The following ARAP1 variants were observed in gnomAD, a reference collection of about 807,000 sequenced individuals.
The protein encoded by ARAP1 is ArfGAP with RhoGAP domain, ankyrin repeat and PH domain 1.
Under a neutral mutation model 172.2 loss-of-function variants are expected in ARAP1, and 76 were observed. The ratio of observed to expected loss-of-function variants is 0.44; its 90% CI spans 0.37 to 0.53. The LOEUF (loss-of-function observed/expected upper bound fraction) is 0.53, where lower values mean the gene tolerates loss of function less well. Ranked by LOEUF, ARAP1 falls within the 20% of genes least tolerant of loss-of-function variation. The pLI, the probability that ARAP1 is intolerant of heterozygous loss-of-function variation, is 0.00. For missense variants in ARAP1, 1,686 were observed against 1,977.5 expected, an observed-to-expected ratio of 0.85 and a Z score of 2.80; for synonymous variants, 804 against 803.3, an observed-to-expected ratio of 1.00 and a Z score of -0.01.
In ARAP1 at chr11:72,704,293, C is replaced by G; in HGVS notation, c.1851G>C (p.Trp617Cys). Reference protein sequence around the residue: ...QLGNGAGNRFWAANVPPSEAL... With the variant: ...QLGNGAGNRFCAANVPPSEAL... ...CCTCACTGGGGGGCACGTTGGCTGC[C>G]CAGAAGCGGTTCCCAGCGCCATTCC... The change falls in exon 14 of 35, where the codon TGG (tryptophan) becomes TGC (cysteine). Residue 617 changes from tryptophan to cysteine, a missense_variant. Trp to Cys is a radical substitution (Grantham distance 215). Coordinates refer to ENST00000393609, the MANE Select transcript of ARAP1 (RefSeq NM_001040118.3). The G allele has an allele frequency of 6.2e-7, 1 of 1,608,746 alleles. No individual in the cohort carries two copies. The highest frequency in any genetic ancestry group is 8.5e-7 in the Non-Finnish European group (1 of 1,177,394).
chr11:72,688,303 T>A, intron 31 of ARAP1, 152 bp downstream of exon 31: 1 of 645,690 alleles, frequency 1.5e-6, no homozygotes, highest in East Asian at 2.8e-5. Context: ...GTGTTGAAGG[T>A]GTGTCCAGGT....
chr11:72,712,784 C>G, intron 5 of ARAP1: 1 of 695,570 alleles, frequency 1.4e-6, no homozygotes, highest in Admixed American at 2.8e-5. Flanking sequence ...CGACCTAGGA[C>G]ACAGACAAAA....
chr11:72,726,004 C>T lies in ARAP1; in HGVS notation c.509+616G>A, dbSNP rs989811299. ...GAAGGAGATTAACATGGAATATCCA[C>T]AGGAGCCAGAGGAAACTCAAGAAAA... On this transcript the variant is annotated intron_variant, in intron 3 of 34. Transcript: ENST00000393609. This position sits in a 1 kb window ranked among gnomAD's most constrained non-coding sequence, Gnocchi z 6.5. 6.6e-6 allele frequency among the ~76,000 whole-genome samples: 1 copy of T among 152,132 alleles called. No homozygotes were observed. Among genetic ancestry groups the T allele is most frequent in the African/African-American group, 2.4e-5 (1 of 41,424 alleles).
chr11:72,696,407 A>G, intron 23 of ARAP1, 142 bp downstream of exon 23: 1 of 598,774 alleles, frequency 1.7e-6, no homozygotes, highest in Non-Finnish European at 2.7e-6. Flanking sequence ...CTGCTCTACA[A>G]ATATCCAATG....
Position 72,702,982 on chromosome 11 carries a change from G to A in ARAP1, c.2090C>T (p.Ala697Val). 1 of 1,570,582 alleles carries A rather than the reference G, an allele frequency of 6.4e-7. No individual in the cohort carries two copies. Among genetic ancestry groups the A allele is most frequent in the Non-Finnish European group, 8.6e-7 (1 of 1,158,982 alleles). ...GINCFSGDPE[A>V]PTPLALAEQA... Reference sequence around the variant, plus strand: ...CTCTGCAAGAGCCAGGGGCGTGGGGGCCTCAGGGTCCCCCGAGAAGCAGTT... The same window carrying A: ...CTCTGCAAGAGCCAGGGGCGTGGGGACCTCAGGGTCCCCCGAGAAGCAGTT... The change falls in exon 15 of 35, where the codon GCC (alanine) becomes GTC (valine). Residue 697 changes from alanine to valine, a missense_variant. By Grantham distance (64) the Ala-to-Val change is moderately conservative. This residue lies in a region of ARAP1 where 688 missense variants were observed against 856.9 expected (regional missense o/e 0.80). Transcript: ENST00000393609.
Position 72,688,502 on chromosome 11 carries a change from A to T in ARAP1, c.4023T>A (p.Ser1341Arg). 6.2e-7 allele frequency: 1 copy of T among 1,612,070 alleles called. No individual in the cohort carries two copies. Among genetic ancestry groups the T allele is most frequent in the Non-Finnish European group, 8.5e-7 (1 of 1,179,364 alleles). ...TCTTCACTCCCAGGTAGACTTTGAG[A>T]CTCTTAATAGGCCACTCCTTCTCAG... ...HRPEKEWPIKSLKVYLGVKKK... is the reference protein window; with the variant it reads ...HRPEKEWPIKRLKVYLGVKKK... Residue 1341 changes from serine (S) to arginine (R), a missense_variant, in exon 31 of 35, where the codon AGT (serine) becomes AGA (arginine). Ser to Arg is a moderately radical substitution (Grantham distance 110, BLOSUM62 -1). Around this residue, in one of 5 missense-constraint regions of ARAP1, gnomAD observed 379 missense variants for 500.1 expected, o/e 0.76. Coordinates refer to ENST00000393609, the MANE Select transcript of ARAP1 (RefSeq NM_001040118.3).
intron 1 of ARAP1, among the ~76,000 whole-genome samples, chr11:72,743,577 G>A (rs1001932290): frequency 6.6e-6 from 1 of 152,176 alleles, no homozygotes; most frequent in African/African-American, 2.4e-5. Context: ...GGCAGAGTGA[G>A]GGAGAGTTGG....
At chr11:72,703,210 G>T in intron 14 of ARAP1, 131 bp from the exon 15 acceptor site, 1 of 907,876 alleles carries the variant, frequency 1.1e-6, no homozygotes, top group Non-Finnish European at 1.6e-6. Flanking sequence ...CAGACTGAAA[G>T]AGAGAATAGG....
intron 1 of ARAP1, among the ~76,000 whole-genome samples, chr11:72,749,550 T>C (rs888345764): frequency 6.6e-6 from 1 of 152,166 alleles, no homozygotes; most frequent in African/African-American, 2.4e-5. Flanking sequence ...AGATGACAAA[T>C]GTGCAGTGTC....
At chr11:72,728,231 A>G (rs1857755101) in intron 2 of ARAP1, among the ~76,000 whole-genome samples, 2 of 152,214 alleles carry the variant, frequency 1.3e-5, no homozygotes, top group Admixed American at 6.5e-5. Flanking sequence ...TGAAAGCCCA[A>G]GAAGGTCAAC....
chr11:72,709,833 G>A (rs370673353), intron 11 of ARAP1, 37 bp downstream of exon 11: 1 of 1,600,368 alleles, frequency 6.2e-7, no homozygotes, highest in Non-Finnish European at 8.6e-7. Flanking sequence ...TTAGGAAGGA[G>A]TGAGGATGCC....
chr11:72,692,995 A>T lies in ARAP1; in HGVS notation c.3955-210T>A, dbSNP rs538329585. 3.0e-5 allele frequency: 20 copies of T among 670,610 alleles called. 1 individual carries two copies. In the South Asian group the frequency reaches 3.6e-4, roughly 12 times the overall value. The allele number at this position is 670,610 out of a possible 1,614,324, so 41.5% of individuals were successfully genotyped here. A position where few individuals can be genotyped will look rare whatever the true frequency, so the allele number is the denominator to read the frequency against. The stretch of plus-strand genomic sequence containing the variant: ...GGAGGCATATGACATACGATATGAC[A>T]AGGCATGCATGCACAACTTGGGGCT... On this transcript the variant is annotated intron_variant, in intron 29 of 34. Transcript: ENST00000393609.
In ARAP1 at chr11:72,699,688, A is replaced by C; in HGVS notation, c.2303-136T>G. On this transcript the variant is annotated intron_variant, in intron 16 of 34. Transcript: ENST00000393609. This position sits in a 1 kb window ranked among gnomAD's most constrained non-coding sequence, Gnocchi z 4.2. ...TCTCAAGTTTTCCCTAAATCCATCC[A>C]CCTCTCTGCATCCCCACCACGCTAG... is the stretch of plus-strand genomic sequence containing the variant. 3.3e-6 allele frequency: 4 copies of C among 1,208,542 alleles called. No individual in the cohort carries two copies. The highest frequency in any genetic ancestry group is 1.1e-6 in the Non-Finnish European group (1 of 880,204). 74.9% of individuals were successfully genotyped at this position (1,208,542 alleles called of 1,614,324 possible).
intron 7 of ARAP1, 125 bp downstream of exon 7, chr11:72,712,071 T>G: frequency 3.1e-6 from 4 of 1,308,008 alleles, no homozygotes; most frequent in Non-Finnish European, 4.1e-6. Flanking sequence ...GAGGGAGACC[T>G]GTGCAAATCA....
chr11:72,712,701 A>C, intron 5 of ARAP1, 133 bp from the exon 6 acceptor site: 2 of 1,414,294 alleles, frequency 1.4e-6, no homozygotes, highest in Non-Finnish European at 9.8e-7. Context: ...GTTTCCTCAC[A>C]CTCCCCTCCC....
At chr11:72,737,157 C>T (rs1309451767) in intron 1 of ARAP1, among the ~76,000 whole-genome samples, 3 of 152,164 alleles carry the variant, frequency 2.0e-5, no homozygotes, top group African/African-American at 7.2e-5. Flanking sequence ...CCACCTCCAC[C>T]CAATCCCCCA....
intron 11 of ARAP1, 123 bp downstream of exon 11, chr11:72,709,747 G>C: frequency 4.1e-6 from 4 of 963,940 alleles, no homozygotes; most frequent in African/African-American, 3.2e-5. Flanking sequence ...CTCCACAGGT[G>C]GGGCAGGGCG....
Position 72,695,672 on chromosome 11 carries a change from G to T in ARAP1, c.3421-44C>A, listed in dbSNP as rs184640744. 1.4e-4 allele frequency: 233 copies of T among 1,614,048 alleles called. 4 individuals are homozygous for T. The Admixed American group carries it at 3.8e-3, about 27-fold the overall frequency. On this transcript the variant is annotated intron_variant, in intron 24 of 34. Coordinates refer to ENST00000393609, the MANE Select transcript of ARAP1 (RefSeq NM_001040118.3). The surrounding 1 kb of genome is among the most constrained non-coding windows in gnomAD (Gnocchi z 4.4). ...CAGGGACAGGTGGTCACCGTCATCTGCAAGGATCACCCCTGCCCTCCACTG... is the reference window on the plus strand; with the variant it reads ...CAGGGACAGGTGGTCACCGTCATCTTCAAGGATCACCCCTGCCCTCCACTG...
intron 1 of ARAP1, among the ~76,000 whole-genome samples, chr11:72,739,231 A>C (rs567111262): frequency 2.6e-5 from 4 of 152,220 alleles, no homozygotes; most frequent in Non-Finnish European, 5.9e-5. Context: ...TGGCCACCAC[A>C]TAACAGTCTC....
Sources: allele counts gnomAD v4.1 joint callset (sites outside exome capture counted in the v4.1 genomes callset), GRCh38; gene constraint gnomAD v4.1.1; regional missense constraint gnomAD v4.1.1; non-coding constraint Gnocchi (gnomAD v3.1); transcripts MANE v1.5; gene names NCBI Gene and HGNC (gene_info 2026-07-23, HGNC 2026-07-21).